Variants in PSD3 observed in about 807,000 individuals in gnomAD.
PSD3 encodes the protein PH and SEC7 domain-containing protein 3.
Under a neutral mutation model 105.5 loss-of-function variants are expected in PSD3, and 49 were observed. The observed-to-expected ratio is 0.46, with a 90% confidence interval of 0.37 to 0.59. The LOEUF is 0.59. Among genes scored for constraint, PSD3 ranks in the 20% least tolerant of loss-of-function variants. The pLI is 0.00. For synonymous variants in PSD3, 557 were observed against 457.8 expected, an observed-to-expected ratio of 1.22 and a Z score of -2.77; for missense variants, 1,561 against 1,263.8, an observed-to-expected ratio of 1.24 and a Z score of -3.57.
intron 10 of PSD3, among the ~76,000 whole-genome samples, chr8:18,636,630 G>A (rs1282674625): frequency 2.6e-5 from 4 of 152,014 alleles, no homozygotes; most frequent in Admixed American, 6.5e-5. Context: ...TCCATTCATG[G>A]TAAAGTGCCC....
intron 4 of PSD3, among the ~76,000 whole-genome samples, chr8:18,853,480 C>G (rs1413949690): frequency 6.6e-6 from 1 of 152,042 alleles, no homozygotes; most frequent in Non-Finnish European, 1.5e-5. Flanking sequence ...GCCTGTTGAA[C>G]ATCACAACAG....
At chr8:18,619,814 C>A (rs916324429) in intron 11 of PSD3, among the ~76,000 whole-genome samples, 1 of 152,170 alleles carries the variant, frequency 6.6e-6, no homozygotes, top group African/African-American at 2.4e-5. Flanking sequence ...AAAGCAATCA[C>A]AATATTTTAC....
chr8:18,923,287 T>C (rs1821152450), intron 2 of PSD3, among the ~76,000 whole-genome samples: 2 of 152,218 alleles, frequency 1.3e-5, no homozygotes, highest in Admixed American at 6.5e-5. Context: ...CCATGGGCTG[T>C]GGGTTGCATA....
At chr8:19,069,426 C>T (rs1829181415) in intron 1 of PSD3, among the ~76,000 whole-genome samples, 1 of 152,128 alleles carries the variant, frequency 6.6e-6, no homozygotes, top group Admixed American at 6.5e-5. Context: ...AGTTGACAGT[C>T]AACTAGACTC....
At chr8:18,909,082 A>G (rs1820033749) in intron 2 of PSD3, among the ~76,000 whole-genome samples, 1 of 152,236 alleles carries the variant, frequency 6.6e-6, no homozygotes, top group Non-Finnish European at 1.5e-5. Flanking sequence ...AAGGGTAACT[A>G]AAGGAATTAC....
chr8:18,661,382 A>G (rs1378793806), intron 9 of PSD3, among the ~76,000 whole-genome samples: 1 of 152,216 alleles, frequency 6.6e-6, no homozygotes, highest in African/African-American at 2.4e-5. Flanking sequence ...AGAATTAAAT[A>G]TGCACCACTC....
chr8:18,583,015 A>G (rs993300216), intron 12 of PSD3, among the ~76,000 whole-genome samples: 1 of 151,926 alleles, frequency 6.6e-6, no homozygotes, highest in African/African-American at 2.4e-5. Flanking sequence ...TTTAGTAGAG[A>G]TGGGGTTTCA....
intron 1 of PSD3, among the ~76,000 whole-genome samples, chr8:18,973,854 A>G (rs896545453): frequency 2.0e-5 from 3 of 152,310 alleles, no homozygotes; most frequent in Middle Eastern, 3.4e-3. Context: ...CTATGAACCA[A>G]ACTTTGTGCT....
At chr8:18,711,747 C>A (rs1802270019) in intron 9 of PSD3, among the ~76,000 whole-genome samples, 1 of 152,174 alleles carries the variant, frequency 6.6e-6, no homozygotes, top group African/African-American at 2.4e-5. Flanking sequence ...CAAAGATACT[C>A]AGAACCTGAA....
At chr8:18,983,927 CA>C in intron 1 of PSD3, among the ~76,000 whole-genome samples, 1 of 149,554 alleles carries the variant, frequency 6.7e-6, no homozygotes, top group South Asian at 2.1e-4. Context: ...CATCTGAGCC[CA>C]AAAAAGTTCA....
intron 4 of PSD3, among the ~76,000 whole-genome samples, chr8:18,812,895 C>CTTCCT (rs1563301546): frequency 1.3e-5 from 2 of 152,088 alleles, no homozygotes; most frequent in African/African-American, 4.8e-5. Flanking sequence ...CCCTCTAACA[C>CTTCCT]ACAGGAAGTC....
At chr8:18,989,224 GC>G (rs1236418769) in intron 1 of PSD3, 1 of 152,196 alleles carries the variant, frequency 6.6e-6, no homozygotes, top group Non-Finnish European at 1.5e-5. Context: ...TGTTCTAGAA[GC>G]CATTTTTTGT....
At chr8:18,922,573 T>C (rs1249865848) in intron 2 of PSD3, among the ~76,000 whole-genome samples, 1 of 152,150 alleles carries the variant, frequency 6.6e-6, no homozygotes, top group African/African-American at 2.4e-5. Context: ...CTGGGTGTCC[T>C]GTAATTCAAT....
At chr8:18,798,299 G>A (rs1586034699) in intron 8 of PSD3, among the ~76,000 whole-genome samples, 1 of 152,030 alleles carries the variant, frequency 6.6e-6, no homozygotes, top group South Asian at 2.1e-4. Context: ...ATGGCAAAAG[G>A]AACTTTCTAG....
chr8:18,914,241 G>C (rs1820434252), intron 2 of PSD3, among the ~76,000 whole-genome samples: 1 of 150,276 alleles, frequency 6.7e-6, no homozygotes, highest in Middle Eastern at 3.2e-3. Context: ...GGTAAAGAAG[G>C]AATGTACCTC....
At chr8:18,802,965 A>G (rs1390973177) in intron 6 of PSD3, among the ~76,000 whole-genome samples, 1 of 152,194 alleles carries the variant, frequency 6.6e-6, no homozygotes, top group African/African-American at 2.4e-5. Flanking sequence ...TATTCCACTG[A>G]AGAGTTAATT....
chr8:19,049,599 G>C (rs747905233), intron 1 of PSD3, among the ~76,000 whole-genome samples: 1 of 149,238 alleles, frequency 6.7e-6, no homozygotes, highest in African/African-American at 2.5e-5. Flanking sequence ...GCCAAGGCAG[G>C]AGGATCACTT....
chr8:18,670,795 G>A (rs376285756), intron 9 of PSD3, among the ~76,000 whole-genome samples: 3 of 152,204 alleles, frequency 2.0e-5, no homozygotes, highest in East Asian at 3.9e-4. Flanking sequence ...ATCTGGGCAC[G>A]AATAGAACAT....
chr8:18,758,649 G>C (rs1806258614), intron 9 of PSD3, among the ~76,000 whole-genome samples: 1 of 152,018 alleles, frequency 6.6e-6, no homozygotes, highest in African/African-American at 2.4e-5. Flanking sequence ...TATCCAAAAA[G>C]ATGCATTAAT....
Sources: gnomAD v4.1 joint callset for allele counts (sites outside exome capture counted in the v4.1 genomes callset) on GRCh38, gnomAD v4.1.1 for gene constraint, MANE v1.5 for transcripts, NCBI Gene and HGNC (gene_info 2026-07-23, HGNC 2026-07-21) for gene names.